Variants in GPR63 observed in about 807,000 individuals in gnomAD.
The protein encoded by GPR63 is G protein-coupled receptor 63.
In GPR63, 12 loss-of-function variants were observed where a neutral mutation model predicts 23.1. The observed-to-expected ratio is 0.52, with a 90% confidence interval of 0.33 to 0.84. GPR63 has a LOEUF of 0.84. Ranked by LOEUF, GPR63 falls within the 40% of genes least tolerant of loss-of-function variation. GPR63 has a pLI of 0.02. For missense variants in GPR63, 472 were observed against 515.6 expected, an observed-to-expected ratio of 0.92 and a Z score of 0.82; for synonymous variants, 172 against 191.1, an observed-to-expected ratio of 0.90 and a Z score of 0.82.
intron 1 of GPR63, among the ~76,000 whole-genome samples, chr6:96,826,582 A>T (rs1487964036): frequency 6.6e-6 from 1 of 152,132 alleles, no homozygotes; most frequent in Non-Finnish European, 1.5e-5. Flanking sequence ...CTGAATAACA[A>T]ACATATTCTA....
intron 1 of GPR63, among the ~76,000 whole-genome samples, chr6:96,811,577 C>T (rs1275961010): frequency 1.3e-5 from 2 of 152,102 alleles, no homozygotes; most frequent in African/African-American, 4.8e-5. Flanking sequence ...TTGGTCCTAC[C>T]TTCATTCCTA....
At chr6:96,804,273 A>G (rs1773843769) in intron 1 of GPR63, among the ~76,000 whole-genome samples, 2 of 152,062 alleles carry the variant, frequency 1.3e-5, no homozygotes, top group African/African-American at 4.8e-5. Context: ...ATCTCACTCT[A>G]TCACCCAGGC....
chr6:96,794,220 A>G lies in GPR63; in HGVS notation c.*4252T>C, dbSNP rs1288847982. The G allele has an allele frequency of 6.6e-6, 1 of 152,102 alleles. No individual in the cohort carries two copies. Among genetic ancestry groups the G allele is most frequent in the East Asian group, 1.9e-4 (1 of 5,200 alleles). 9.4% of individuals were successfully genotyped at this position (152,102 alleles called of 1,614,324 possible). ...TAACCATATTTTTCGATATTTAAAT[A>G]TTAGAACCCATAATTCAAGGTTGTT... On this transcript the variant is annotated 3_prime_UTR_variant, in exon 2 of 2. Coordinates refer to ENST00000229955, the MANE Select transcript of GPR63 (RefSeq NM_030784.4).
chr6:96,819,846 G>A (rs950822284), intron 1 of GPR63, among the ~76,000 whole-genome samples: 1 of 151,302 alleles, frequency 6.6e-6, no homozygotes, highest in Non-Finnish European at 1.5e-5. Flanking sequence ...CGTGGTGGCG[G>A]GCGCCTGTAG....
At chr6:96,823,278 A>T (rs1380793242) in intron 1 of GPR63, among the ~76,000 whole-genome samples, 1 of 152,156 alleles carries the variant, frequency 6.6e-6, no homozygotes, top group East Asian at 1.9e-4. Context: ...TTATCACAGG[A>T]GATGACGGCT....
At chr6:96,830,369 A>G (rs976436876) in intron 1 of GPR63, among the ~76,000 whole-genome samples, 7 of 152,200 alleles carry the variant, frequency 4.6e-5, no homozygotes, top group Non-Finnish European at 1.0e-4. Context: ...ATGAAAAAAA[A>G]TTTACCTGTT....
At chr6:96,823,508 T>C (rs1774361460) in intron 1 of GPR63, among the ~76,000 whole-genome samples, 1 of 152,188 alleles carries the variant, frequency 6.6e-6, no homozygotes, top group African/African-American at 2.4e-5. Context: ...TGTTTTAAGA[T>C]GTTATTACAA....
intron 1 of GPR63, among the ~76,000 whole-genome samples, chr6:96,826,765 T>C (rs1256577708): frequency 2.6e-5 from 4 of 151,964 alleles, no homozygotes; most frequent in African/African-American, 9.7e-5. Context: ...AAATAAACTC[T>C]ACCATGTCAA....
intron 1 of GPR63, among the ~76,000 whole-genome samples, chr6:96,811,252 A>C (rs1173514970): frequency 6.6e-6 from 1 of 152,214 alleles, no homozygotes; most frequent in Non-Finnish European, 1.5e-5. Context: ...TGCTGTTCTA[A>C]AACTATTCTA....
intron 1 of GPR63, among the ~76,000 whole-genome samples, chr6:96,818,596 T>C (rs1774221923): frequency 6.6e-6 from 1 of 152,236 alleles, no homozygotes; most frequent in African/African-American, 2.4e-5. Flanking sequence ...TTGAAGAGTA[T>C]TTAATGACAC....
rs1212760970 is a variant in GPR63, at chr6:96,799,824, T to C, written c.-93A>G. ...CAGTATCAGGTCCCATTGATGGGCT[T>C]GGAAATACATTCTGGAAAATGGACA... On this transcript the variant is annotated 5_prime_UTR_variant, in exon 2 of 2. Coordinates refer to ENST00000229955, the MANE Select transcript of GPR63 (RefSeq NM_030784.4). 3 of 1,269,902 alleles carry C rather than the reference T, an allele frequency of 2.4e-6. No individual in the cohort carries two copies. Among genetic ancestry groups the C allele is most frequent in the Non-Finnish European group, 2.3e-6 (2 of 874,836 alleles). 78.7% of individuals were successfully genotyped at this position (1,269,902 alleles called of 1,614,324 possible).
Position 96,796,252 on chromosome 6 carries a change from G to A in GPR63, c.*2220C>T, listed in dbSNP as rs527510552. On this transcript the variant is annotated 3_prime_UTR_variant, in exon 2 of 2. Transcript: ENST00000229955. ...GTGAGGTGATGCTGAAGTCAGCTAG[G>A]CTCTTCAAAAATCTATACCCTAGTA... The A allele has an allele frequency of 5.3e-5, 8 of 152,246 alleles. No homozygotes were observed. In the East Asian group the frequency reaches 1.4e-3, roughly 26 times the overall value. 9.4% of individuals were successfully genotyped at this position (152,246 alleles called of 1,614,324 possible). A position where few individuals can be genotyped will look rare whatever the true frequency, so the allele number is the denominator to read the frequency against.
At chr6:96,815,363 CCAAAA>C (rs1774138290) in intron 1 of GPR63, among the ~76,000 whole-genome samples, 1 of 152,100 alleles carries the variant, frequency 6.6e-6, no homozygotes, top group Non-Finnish European at 1.5e-5. Context: ...TAGGAAGTAT[CCAAAA>C]TAGTCAAACT....
chr6:96,825,587 T>C (rs1396334739), intron 1 of GPR63, among the ~76,000 whole-genome samples: 1 of 152,130 alleles, frequency 6.6e-6, no homozygotes, highest in Non-Finnish European at 1.5e-5. Context: ...GATTCTTTTA[T>C]GTATGCTTCA....
intron 1 of GPR63, among the ~76,000 whole-genome samples, chr6:96,835,777 C>A (rs1360020759): frequency 6.6e-6 from 1 of 151,990 alleles, no homozygotes; most frequent in Non-Finnish European, 1.5e-5. Context: ...AATCTATATC[C>A]CAAACAAAAT....
intron 1 of GPR63, among the ~76,000 whole-genome samples, chr6:96,824,256 G>A (rs1774382081): frequency 6.6e-6 from 1 of 151,978 alleles, no homozygotes; most frequent in African/African-American, 2.4e-5. Flanking sequence ...TTTACAATAT[G>A]CATGTGGTCC....
chr6:96,813,745 G>A (rs1274256057), intron 1 of GPR63, among the ~76,000 whole-genome samples: 1 of 152,166 alleles, frequency 6.6e-6, no homozygotes, highest in Admixed American at 6.6e-5. Context: ...CCCCTACATA[G>A]TCTTTAGTCT....
intron 1 of GPR63, among the ~76,000 whole-genome samples, chr6:96,820,003 C>CA (rs1562122462): frequency 7.0e-6 from 1 of 142,452 alleles, no homozygotes; most frequent in Non-Finnish European, 1.5e-5. Flanking sequence ...CAAACAACAA[C>CA]AAAAAAAATT....
chr6:96,810,693 T>C (rs1308546675), intron 1 of GPR63, among the ~76,000 whole-genome samples: 1 of 152,062 alleles, frequency 6.6e-6, no homozygotes, highest in African/African-American at 2.4e-5. Context: ...TGTATGTAGA[T>C]GTGTGTGTAT....
Sources: gnomAD v4.1 joint callset for allele counts (sites outside exome capture counted in the v4.1 genomes callset) on GRCh38, gnomAD v4.1.1 for gene constraint, MANE v1.5 for transcripts, NCBI Gene and HGNC (gene_info 2026-07-23, HGNC 2026-07-21) for gene names.